MRTFB: variants seen among roughly 807,000 people sequenced by gnomAD.
The protein encoded by MRTFB is myocardin related transcription factor B.
A neutral mutation model predicts 104.2 loss-of-function variants in MRTFB; 29 were observed. The ratio of observed to expected loss-of-function variants is 0.28; its 90% CI spans 0.21 to 0.38. The LOEUF (loss-of-function observed/expected upper bound fraction) is 0.38. MRTFB is among the 10% of genes least tolerant of loss of function. MRTFB has a pLI of 1.00. For synonymous variants in MRTFB, 535 were observed against 519.5 expected, an observed-to-expected ratio of 1.03 and a Z score of -0.41; for missense variants, 1,270 against 1,341.6, an observed-to-expected ratio of 0.95 and a Z score of 0.83.
chr16:14,051,919 C>T, the MRTFB span, among the ~76,000 whole-genome samples: 2 of 152,102 alleles, frequency 1.3e-5, no homozygotes, highest in Non-Finnish European at 2.9e-5. Flanking sequence ...TTGAGCTCTC[C>T]CTGGACTTCC....
chr16:14,258,255 A>G, intron 16 of MRTFB, 94 bp downstream of exon 16: 1 of 917,624 alleles, frequency 1.1e-6, no homozygotes, highest in Non-Finnish European at 1.7e-6. Flanking sequence ...TTATCTTTAG[A>G]TACTGAGAAA....
At chr16:14,026,490 TGAG>T in the MRTFB span, among the ~76,000 whole-genome samples, 1 of 152,216 alleles carries the variant, frequency 6.6e-6, no homozygotes. Flanking sequence ...TAGGGTTAGA[TGAG>T]GAGTTCTTAC....
chr16:14,144,344 T>A (rs1444645284), intron 3 of MRTFB: 1 of 152,186 alleles, frequency 6.6e-6, no homozygotes, highest in Admixed American at 6.5e-5. Context: ...TATGATATAT[T>A]AACCTAATTT....
intron 2 of MRTFB, among the ~76,000 whole-genome samples, chr16:14,081,095 G>C (rs941120507): frequency 2.6e-5 from 4 of 152,058 alleles, no homozygotes; most frequent in Non-Finnish European, 5.9e-5. Context: ...TTCCATAATG[G>C]CAATAATTTA....
intron 15 of MRTFB, among the ~76,000 whole-genome samples, chr16:14,256,308 T>C (rs1416465211): frequency 6.6e-6 from 1 of 151,756 alleles, no homozygotes; most frequent in African/African-American, 2.4e-5. Context: ...AACAATTCAA[T>C]TAAAATGCAA....
the MRTFB span, among the ~76,000 whole-genome samples, chr16:14,013,919 C>T: frequency 2.3e-4 from 35 of 152,196 alleles, no homozygotes; most frequent in African/African-American, 8.0e-4. Flanking sequence ...ATGTGAAGTC[C>T]ACCCTCGCAC....
the MRTFB span, among the ~76,000 whole-genome samples, chr16:14,005,835 G>A: frequency 1.3e-5 from 2 of 152,138 alleles, no homozygotes. Flanking sequence ...GAAAATGCCT[G>A]GGAAATTATT....
chr16:14,049,979 C>A, the MRTFB span, among the ~76,000 whole-genome samples: 2 of 152,314 alleles, frequency 1.3e-5, no homozygotes, highest in East Asian at 3.9e-4. Context: ...GTGATCCATC[C>A]GCCTCGGCCT....
intron 2 of MRTFB, among the ~76,000 whole-genome samples, chr16:14,118,023 A>G (rs186879279): frequency 2.0e-4 from 31 of 152,114 alleles, no homozygotes; most frequent in Admixed American, 2.0e-3. Flanking sequence ...GCTAGCTTTG[A>G]TTTACATTAA....
chr16:14,124,039 G>T (rs2036983508), intron 2 of MRTFB, among the ~76,000 whole-genome samples: 1 of 152,148 alleles, frequency 6.6e-6, no homozygotes, highest in Admixed American at 6.5e-5. Flanking sequence ...AATTGTGAAT[G>T]GGAGTTCACT....
chr16:14,157,550 C>T (rs918945075), intron 3 of MRTFB, among the ~76,000 whole-genome samples: 1 of 152,166 alleles, frequency 6.6e-6, no homozygotes, highest in Admixed American at 6.5e-5. Flanking sequence ...GCCTGTCTCA[C>T]AGTTGCTGAG....
chr16:14,123,921 G>C (rs2036976493), intron 2 of MRTFB, among the ~76,000 whole-genome samples: 1 of 152,112 alleles, frequency 6.6e-6, no homozygotes, highest in African/African-American at 2.4e-5. Flanking sequence ...TTTTCCATTT[G>C]TTTTTGCCCT....
At position 14,263,051 on chromosome 16, in the gene MRTFB, T is replaced by C. The variant is rs1342362118; in HGVS notation, c.*1607T>C. On this transcript the variant is annotated 3_prime_UTR_variant, in exon 17 of 17. Coordinates refer to ENST00000571589, the MANE Select transcript of MRTFB (RefSeq NM_001308142.2). ...TGTGTGTGTGGTTTATAAATTTTAC[T>C]ACGTGTAACAAAAGTCTGCTTTTCC... The C allele has an allele frequency of 1.3e-5, 2 of 152,464 alleles. No individual in the cohort carries two copies. The highest frequency in any genetic ancestry group is 2.9e-5 in the Non-Finnish European group (2 of 68,046). The allele number at this position is 152,464 out of a possible 1,614,324, so 9.4% of individuals were successfully genotyped here.
Position 14,162,691 on chromosome 16 carries a change from G to T in MRTFB, c.154+21931G>T, listed in dbSNP as rs75511740. Reference sequence around the variant, plus strand: ...CAAAAACAGGCTGAACTACTACTCTGTGGCGTTAGAAATCAGGATAGTGGT... The same window carrying T: ...CAAAAACAGGCTGAACTACTACTCTTTGGCGTTAGAAATCAGGATAGTGGT... On this transcript the variant is annotated intron_variant, in intron 3 of 16. Transcript: ENST00000571589. 5.6e-3 allele frequency among the ~76,000 whole-genome samples: 852 copies of T among 152,284 alleles called. 6 individuals are homozygous for T. Among genetic ancestry groups the T allele is most frequent in the African/African-American group, 0.019 (809 of 41,560 alleles).
chr16:14,181,621 T>C (rs1435737458), intron 3 of MRTFB, among the ~76,000 whole-genome samples: 1 of 152,248 alleles, frequency 6.6e-6, no homozygotes, highest in Non-Finnish European at 1.5e-5. Flanking sequence ...TTTGCATTTG[T>C]TACTAATTAT....
At chr16:14,181,085 A>G (rs1283667468) in intron 3 of MRTFB, among the ~76,000 whole-genome samples, 2 of 152,188 alleles carry the variant, frequency 1.3e-5, no homozygotes, top group African/African-American at 4.8e-5. Context: ...TTAAAGTGAT[A>G]AAGTGAAGGA....
chr16:14,023,606 CACACAT>C, the MRTFB span, among the ~76,000 whole-genome samples: 2,551 of 39,534 alleles, frequency 0.065, 37 homozygotes, highest in Admixed American at 0.094. Flanking sequence ...CACACACACA[CACACAT>C]ACATATACAT....
At chr16:14,220,261 A>G (rs962779445) in intron 8 of MRTFB, among the ~76,000 whole-genome samples, 1 of 152,218 alleles carries the variant, frequency 6.6e-6, no homozygotes, top group Admixed American at 6.5e-5. Flanking sequence ...CAGTAAAAAG[A>G]ATGTCAAGTA....
At chr16:14,107,825 G>A (rs948116326) in intron 2 of MRTFB, among the ~76,000 whole-genome samples, 5 of 152,204 alleles carry the variant, frequency 3.3e-5, no homozygotes, top group African/African-American at 1.2e-4. Flanking sequence ...CCAGTGTGAG[G>A]TACACCAAGG....
Sources: allele counts gnomAD v4.1 joint callset (sites outside exome capture counted in the v4.1 genomes callset), GRCh38; gene constraint gnomAD v4.1.1; transcripts MANE v1.5; gene names NCBI Gene and HGNC (gene_info 2026-07-23, HGNC 2026-07-21).